WWOX: variants seen among roughly 807,000 people sequenced by gnomAD.
WWOX encodes WW domain containing oxidoreductase, also known as WW domain-containing oxidoreductase.
A neutral mutation model predicts 46.2 loss-of-function variants in WWOX; 69 were observed. The ratio of observed to expected loss-of-function variants is 1.49; its 90% CI spans 1.23 to 1.82. The LOEUF is 1.82. Ranked by LOEUF, WWOX falls within the 40% of genes most tolerant of loss-of-function variation. WWOX has a pLI of 0.00. For missense variants in WWOX, 919 were observed against 542.6 expected (o/e 1.69, Z -6.89); for synonymous variants, 359 against 202.6 (o/e 1.77, Z -6.56).
chr16:79,121,849 C>G (rs1331488484), intron 8 of WWOX, among the ~76,000 whole-genome samples: 3 of 152,118 alleles, frequency 2.0e-5, no homozygotes, highest in African/African-American at 4.8e-5. Context: ...GATATTAAAA[C>G]AATTCGTTCT....
chr16:79,067,450 C>T (rs1047870234), intron 8 of WWOX, among the ~76,000 whole-genome samples: 3 of 152,124 alleles, frequency 2.0e-5, no homozygotes, highest in African/African-American at 4.8e-5. Context: ...GTTTGGGCTT[C>T]CCTCCACCTG....
intron 8 of WWOX, among the ~76,000 whole-genome samples, chr16:78,905,293 C>T (rs2044933225): frequency 1.3e-5 from 2 of 152,198 alleles, no homozygotes; most frequent in South Asian, 2.1e-4. Flanking sequence ...CACATATTTA[C>T]TTCCAATATG....
At chr16:78,728,967 G>C (rs139273553) in intron 8 of WWOX, among the ~76,000 whole-genome samples, 1 of 152,146 alleles carries the variant, frequency 6.6e-6, no homozygotes, top group Non-Finnish European at 1.5e-5. Flanking sequence ...TATTTCCTAA[G>C]TGAGAAACGT....
intron 8 of WWOX, among the ~76,000 whole-genome samples, chr16:78,545,658 C>T (rs934337063): frequency 2.6e-5 from 4 of 152,192 alleles, no homozygotes; most frequent in African/African-American, 4.8e-5. Context: ...GCACCGTGTT[C>T]ATTTGCTATG....
chr16:78,798,592 T>TTTG (rs34087048), intron 8 of WWOX, among the ~76,000 whole-genome samples: 787 of 47,538 alleles, frequency 0.017, 4 homozygotes, highest in Admixed American at 0.072. Flanking sequence ...TGTTGTTGGG[T>TTTG]TTTTTTTTTT....
intron 8 of WWOX, among the ~76,000 whole-genome samples, chr16:78,783,394 AG>A (rs950458264): frequency 1.3e-4 from 20 of 152,220 alleles, no homozygotes; most frequent in Non-Finnish European, 2.4e-4. Flanking sequence ...GGAAATTGTT[AG>A]CTACACGACC....
chr16:78,579,858 C>G (rs1432504010), intron 8 of WWOX, among the ~76,000 whole-genome samples: 1 of 152,128 alleles, frequency 6.6e-6, no homozygotes, highest in Non-Finnish European at 1.5e-5. Context: ...TGAAATGAGG[C>G]TGCCTCGAAG....
At chr16:79,127,863 T>C (rs1189920777) in intron 8 of WWOX, among the ~76,000 whole-genome samples, 1 of 152,134 alleles carries the variant, frequency 6.6e-6, no homozygotes, top group Non-Finnish European at 1.5e-5. Context: ...GAGAAATATT[T>C]TGTTGGGACA....
In WWOX at chr16:79,212,212, A is replaced by G. The variant is rs2051788133; in HGVS notation, c.*416A>G. ...TGGCCTTCTCCTACTTAGGGAAGAA[A>G]AAGCAAGTGTTCACTGCTCCTTGCT... On this transcript the variant is annotated 3_prime_UTR_variant, in exon 9 of 9. Transcript: ENST00000566780. 2.8e-6 allele frequency: 4 copies of G among 1,439,034 alleles called. No individual in the cohort carries two copies. The highest frequency in any genetic ancestry group is 2.5e-5 in the East Asian group (1 of 40,360). 89.1% of individuals were successfully genotyped at this position (1,439,034 alleles called of 1,614,324 possible).
chr16:78,782,025 A>C (rs2050339631), intron 8 of WWOX, among the ~76,000 whole-genome samples: 1 of 152,132 alleles, frequency 6.6e-6, no homozygotes, highest in African/African-American at 2.4e-5. Context: ...TTTAACCTCT[A>C]CCAGATTTTG....
chr16:78,728,322 G>C (rs1396934034), intron 8 of WWOX, among the ~76,000 whole-genome samples: 2 of 151,902 alleles, frequency 1.3e-5, no homozygotes, highest in Non-Finnish European at 2.9e-5. Context: ...CTCCCGCCTT[G>C]GCCTCCCAAA....
intron 8 of WWOX, among the ~76,000 whole-genome samples, chr16:78,517,855 A>AT (rs11342538): frequency 0.08 from 6,941 of 86,388 alleles, 305 homozygotes; most frequent in Non-Finnish European, 0.096. Context: ...TACACAACCT[A>AT]TTTTTTTTTT....
chr16:78,123,320 G>T (rs1383426760), intron 4 of WWOX: 1 of 151,314 alleles, frequency 6.6e-6, no homozygotes, highest in Non-Finnish European at 1.5e-5. Flanking sequence ...TGCTGGCCTA[G>T]CAATAATATG....
At chr16:78,103,226 C>A (rs994182894) in intron 1 of WWOX, among the ~76,000 whole-genome samples, 9 of 149,446 alleles carry the variant, frequency 6.0e-5, no homozygotes, top group Non-Finnish European at 1.2e-4. Flanking sequence ...CTCAAGCTGG[C>A]CTCTCTGGCT....
rs528684624 is a variant in WWOX at position 78,361,377 on chromosome 16, T to C, written c.517-25483T>C. On this transcript the variant is annotated intron_variant, in intron 5 of 8. Transcript: ENST00000566780. ...GCTGAGTTTTTCCAATGTAATGTTA[T>C]TAATTTTTCCTTTGAAATTCATAAT... Among the ~76,000 whole-genome samples the C allele has an allele frequency of 1.4e-4, 22 of 152,320 alleles. No homozygotes were observed. In the South Asian group the frequency reaches 4.4e-3, roughly 30 times the overall value.
chr16:78,332,177 C>G (rs920532400), intron 5 of WWOX, among the ~76,000 whole-genome samples: 6 of 152,122 alleles, frequency 3.9e-5, no homozygotes, highest in African/African-American at 1.4e-4. Flanking sequence ...TTTCCCCACC[C>G]CAAGCCTTTT....
chr16:78,920,055 A>C lies in WWOX; in HGVS notation c.1057-291553A>C, dbSNP rs181308390. Reference sequence around the variant, plus strand: ...CAGCGTAGACTAGGTTTGCCGCAGTAACAAACGACCCCACCATGCCATAGC... The same window carrying C: ...CAGCGTAGACTAGGTTTGCCGCAGTCACAAACGACCCCACCATGCCATAGC... On this transcript the variant is annotated intron_variant, in intron 8 of 8. Coordinates refer to ENST00000566780, the MANE Select transcript of WWOX (RefSeq NM_016373.4). Among the ~76,000 whole-genome samples, 19 of 152,272 alleles carry C rather than the reference A, an allele frequency of 1.2e-4. No individual in the cohort carries two copies. In the East Asian group the frequency reaches 3.5e-3, roughly 28 times the overall value.
At chr16:79,180,733 G>A (rs1490277955) in intron 8 of WWOX, among the ~76,000 whole-genome samples, 1 of 151,160 alleles carries the variant, frequency 6.6e-6, no homozygotes, top group Non-Finnish European at 1.5e-5. Context: ...CTGTCTATCT[G>A]TCTGTGTATA....
At chr16:78,609,458 G>A (rs896296791) in intron 8 of WWOX, among the ~76,000 whole-genome samples, 22 of 151,054 alleles carry the variant, frequency 1.5e-4, no homozygotes, top group African/African-American at 5.1e-4. Flanking sequence ...TAAAAGTCCA[G>A]GCATGTGACT....
Sources: gnomAD v4.1 joint callset for allele counts (sites outside exome capture counted in the v4.1 genomes callset) on GRCh38, gnomAD v4.1.1 for gene constraint, MANE v1.5 for transcripts, NCBI Gene and HGNC (gene_info 2026-07-23, HGNC 2026-07-21) for gene names.